Variants in PKN2 observed in about 807,000 individuals in gnomAD.
PKN2 encodes the protein serine/threonine-protein kinase N2.
PKN2 carries 38 observed loss-of-function variants against 119.1 expected under a neutral mutation model. The observed-to-expected ratio is 0.32, with a 90% CI of 0.25 to 0.42. PKN2 has a LOEUF of 0.42. Among genes scored for constraint, PKN2 ranks in the 10% least tolerant of loss-of-function variants. PKN2 has a pLI of 1.00. For missense variants in PKN2, 850 were observed against 1,165.1 expected (o/e 0.73, Z 3.94); for synonymous variants, 390 against 384.9 (o/e 1.01, Z -0.15).
At position 88,740,104 on chromosome 1, in the gene PKN2, TG is replaced by T. The variant is rs146787492; in HGVS notation, c.49-880del. On this transcript the variant is annotated intron_variant, in intron 1 of 21. Coordinates refer to ENST00000370521, the MANE Select transcript of PKN2 (RefSeq NM_006256.4). The stretch of plus-strand genomic sequence containing the variant: ...TTATAAATAACTAGAGATTAAAGTA[TG>T]GGGTGTGTATTTAGATTATATGCAA... Among the ~76,000 whole-genome samples, 385 of 152,288 alleles carry T rather than the reference TG, an allele frequency of 2.5e-3. 2 individuals carry two copies. Among genetic ancestry groups the T allele is most frequent in the African/African-American group, 8.9e-3 (372 of 41,574 alleles).
intron 2 of PKN2, among the ~76,000 whole-genome samples, chr1:88,750,903 AAGTTC>A (rs1267162061): frequency 1.3e-5 from 2 of 152,150 alleles, no homozygotes; most frequent in Non-Finnish European, 2.9e-5. Context: ...CACAGCGTAC[AAGTTC>A]AGTATTTCTT....
At chr1:88,705,466 A>T (rs1201668924) in intron 1 of PKN2, among the ~76,000 whole-genome samples, 1 of 151,988 alleles carries the variant, frequency 6.6e-6, no homozygotes, top group Non-Finnish European at 1.5e-5. Context: ...AGGCCGAGGC[A>T]GGCAGATCAC....
At chr1:88,708,480 C>T (rs2100679927) in intron 1 of PKN2, among the ~76,000 whole-genome samples, 1 of 152,224 alleles carries the variant, frequency 6.6e-6, no homozygotes, top group African/African-American at 2.4e-5. Flanking sequence ...ATAAGTCATA[C>T]TTCAACATTA....
intron 2 of PKN2, 118 bp from the exon 3 acceptor site, chr1:88,760,104 G>T: frequency 1.7e-6 from 1 of 586,512 alleles, no homozygotes; most frequent in Non-Finnish European, 3.0e-6. Context: ...AGTATAAGGA[G>T]ATTTCATTTA....
At position 88,774,257 on chromosome 1, in the gene PKN2, T is replaced by C. The variant is rs1402518090; in HGVS notation, c.985+2378T>C. Among the ~76,000 whole-genome samples the C allele has an allele frequency of 3.9e-5, 6 of 152,320 alleles. No homozygotes were observed. In the South Asian group the frequency reaches 8.3e-4, roughly 21 times the overall value. On this transcript the variant is annotated intron_variant, in intron 6 of 21. Transcript: ENST00000370521. ...GAGCATTGGGTGTGCAGAATTTTCA[T>C]TGGGGCTTTGTTAACATAGGTGTGA...
intron 1 of PKN2, among the ~76,000 whole-genome samples, chr1:88,717,451 T>C (rs2100698105): frequency 6.6e-6 from 1 of 152,270 alleles, no homozygotes; most frequent in African/African-American, 2.4e-5. Flanking sequence ...GTAGATTTGG[T>C]CTTTTCACAT....
chr1:88,807,468 C>A (rs745616482), intron 13 of PKN2, 25 bp downstream of exon 13: 2 of 1,604,812 alleles, frequency 1.2e-6, no homozygotes, highest in African/African-American at 2.7e-5. Context: ...CCAAATTTTG[C>A]GACTACATGT....
At chr1:88,684,882 T>C (rs563429123) in intron 1 of PKN2, 197 of 411,078 alleles carry the variant, frequency 4.8e-4, no homozygotes, top group Admixed American at 1.8e-4. Flanking sequence ...ACCCCATCTC[T>C]GCAGCCCTGC....
chr1:88,819,412 AAAG>A (rs1489033034), intron 16 of PKN2, among the ~76,000 whole-genome samples: 2 of 152,224 alleles, frequency 1.3e-5, no homozygotes, highest in Non-Finnish European at 2.9e-5. Context: ...CATATGAAAA[AAAG>A]CTCATCATCA....
intron 1 of PKN2, among the ~76,000 whole-genome samples, chr1:88,712,223 G>A (rs550423324): frequency 1.3e-5 from 2 of 152,162 alleles, no homozygotes; most frequent in South Asian, 2.1e-4. Context: ...ACCAACTTAT[G>A]GAAAGAGTAG....
At chr1:88,701,957 GT>G (rs1295170091) in intron 1 of PKN2, among the ~76,000 whole-genome samples, 1 of 151,996 alleles carries the variant, frequency 6.6e-6, no homozygotes, top group Non-Finnish European at 1.5e-5. Context: ...CATTTGTTTT[GT>G]TTTGTTTTTT....
In PKN2 at chr1:88,833,230, T is replaced by A; in HGVS notation, c.2752-15T>A. 1 of 1,611,956 alleles carries A rather than the reference T, an allele frequency of 6.2e-7. No individual in the cohort carries two copies. Among genetic ancestry groups the A allele is most frequent in the Non-Finnish European group, 8.5e-7 (1 of 1,178,968 alleles). Reference sequence around the variant, plus strand: ...TTAACAAACTAAACTAGTCATTTTTTATTTTATGATCCAGCTAATTGATTG... The same window carrying A: ...TTAACAAACTAAACTAGTCATTTTTAATTTTATGATCCAGCTAATTGATTG... On this transcript the variant is annotated splice_polypyrimidine_tract_variant and intron_variant, in intron 21 of 21. Coordinates refer to ENST00000370521, the MANE Select transcript of PKN2 (RefSeq NM_006256.4).
intron 2 of PKN2, among the ~76,000 whole-genome samples, chr1:88,755,855 T>G (rs1669176015): frequency 6.6e-6 from 1 of 152,172 alleles, no homozygotes; most frequent in Non-Finnish European, 1.5e-5. Context: ...ATACTTTTCC[T>G]TAAGAACAGT....
intron 18 of PKN2, 109 bp from the exon 19 acceptor site, chr1:88,828,372 A>G: frequency 1.2e-6 from 1 of 848,420 alleles, no homozygotes; most frequent in East Asian, 2.6e-5. Context: ...TTTGTTCACC[A>G]TGCACAAATG....
intron 18 of PKN2, among the ~76,000 whole-genome samples, chr1:88,825,010 A>G (rs911858476): frequency 1.3e-5 from 2 of 152,222 alleles, no homozygotes; most frequent in South Asian, 2.1e-4. Context: ...TCTGTTTACT[A>G]GTTACTAACA....
chr1:88,774,148 A>G (rs541198678), intron 6 of PKN2, among the ~76,000 whole-genome samples: 10 of 152,284 alleles, frequency 6.6e-5, no homozygotes, highest in African/African-American at 2.4e-4. Flanking sequence ...ATCTGAGAGG[A>G]TCTCAAACAC....
chr1:88,828,718 G>A, intron 19 of PKN2, 95 bp downstream of exon 19: 1 of 1,001,140 alleles, frequency 1.0e-6, no homozygotes, highest in Non-Finnish European at 1.5e-6. Context: ...TCTTCAGTAT[G>A]AGTGGAATTT....
chr1:88,751,888 T>C (rs919991305), intron 2 of PKN2, among the ~76,000 whole-genome samples: 12 of 152,310 alleles, frequency 7.9e-5, no homozygotes, highest in African/African-American at 2.9e-4. Flanking sequence ...ATTTCGTGGT[T>C]GTCTGGATTC....
At position 88,770,399 on chromosome 1, in the gene PKN2, G is replaced by A; in HGVS notation, c.552G>A (p.Lys184=). Residue 184 remains lysine (K), a synonymous_variant, in exon 4 of 22, where the codon AAG becomes AAA. Transcript: ENST00000370521. ...GTAQQLLQDS[K]TKIEVIRMQI... ...CTCAGCAACTGCTCCAGGACAGCAA[G>A]ACAAAAATAGAAGTCATACGAATGC... The A allele has an allele frequency of 1.9e-6, 3 of 1,613,768 alleles. No individual in the cohort carries two copies. The highest frequency in any genetic ancestry group is 2.2e-5 in the East Asian group (1 of 44,866).
Sources: allele counts gnomAD v4.1 joint callset (sites outside exome capture counted in the v4.1 genomes callset), GRCh38; gene constraint gnomAD v4.1.1; transcripts MANE v1.5; gene names NCBI Gene and HGNC (gene_info 2026-07-23, HGNC 2026-07-21).